MYO18B: variants seen among roughly 807,000 people sequenced by gnomAD.
The protein encoded by MYO18B is unconventional myosin-XVIIIb.
Under a neutral mutation model 273.0 loss-of-function variants are expected in MYO18B, and 204 were observed. That is an observed-to-expected ratio of 0.75 (90% CI 0.67 to 0.84). The LOEUF is 0.84. Among genes scored for constraint, MYO18B ranks in the 40% least tolerant of loss-of-function variants. The pLI is 0.00. For missense variants in MYO18B, 3,212 were observed against 3,287.6 expected (o/e 0.98, Z 0.56); for synonymous variants, 1,330 against 1,305.7 (o/e 1.02, Z -0.40).
At chr22:25,772,958 A>AC (rs1292450372) in intron 7 of MYO18B, among the ~76,000 whole-genome samples, 1 of 152,182 alleles carries the variant, frequency 6.6e-6, no homozygotes, top group Non-Finnish European at 1.5e-5. Flanking sequence ...AACCCAGGAT[A>AC]CAGGGCTCCT....
intron 11 of MYO18B, among the ~76,000 whole-genome samples, chr22:25,788,551 TG>T (rs1483006505): frequency 6.6e-6 from 1 of 152,222 alleles, no homozygotes. Flanking sequence ...AGTAGTCAGA[TG>T]CAGTGAGGCC....
intron 34 of MYO18B, among the ~76,000 whole-genome samples, chr22:25,942,753 A>G (rs2092658979): frequency 6.6e-6 from 1 of 152,178 alleles, no homozygotes; most frequent in Non-Finnish European, 1.5e-5. Flanking sequence ...AAGCAACAGT[A>G]GCAGGTGGGA....
Position 25,878,059 on chromosome 22 carries a change from C to T in MYO18B, c.4314+11C>T, listed in dbSNP as rs1382334785. On this transcript the variant is annotated intron_variant, in intron 25 of 43. Transcript: ENST00000335473. ...CTGCTAGAAAGCAAGGTATCCCCAT[C>T]CCTCCTCTTGGGTCCTTGTGGGGGG... 3.8e-6 allele frequency: 6 copies of T among 1,568,422 alleles called. No homozygotes were observed. In the African/African-American group the frequency reaches 8.1e-5, roughly 21 times the overall value.
At chr22:25,940,898 G>T (rs1472794740) in intron 34 of MYO18B, among the ~76,000 whole-genome samples, 1 of 152,190 alleles carries the variant, frequency 6.6e-6, no homozygotes, top group Non-Finnish European at 1.5e-5. Context: ...GTAGAAGAAG[G>T]GTCCTATCCC....
chr22:25,746,415 G>C (rs1365147955), intron 1 of MYO18B, among the ~76,000 whole-genome samples: 1 of 152,342 alleles, frequency 6.6e-6, no homozygotes, highest in East Asian at 1.9e-4. Context: ...TTCTAGACCA[G>C]TGTCAGCGTA....
chr22:25,760,406 C>T lies in MYO18B; in HGVS notation c.-109-578C>T, dbSNP rs1743875005. ...CAGCCTGGGCATCAGAGCAAGACTC[C>T]ATCTCAAAAAAAAAAAAAAAAAAAA... On this transcript the variant is annotated intron_variant, in intron 1 of 43. Coordinates refer to ENST00000335473, the MANE Select transcript of MYO18B (RefSeq NM_032608.7). Among the ~76,000 whole-genome samples, 3 of 66,174 alleles carry T rather than the reference C, an allele frequency of 4.5e-5. No individual in the cohort carries two copies. In the Admixed American group the frequency reaches 5.8e-4, roughly 13 times the overall value. 43.4% of individuals were successfully genotyped at this position (66,174 alleles called of 152,430 possible). A position where few individuals can be genotyped will look rare whatever the true frequency, so the allele number is the denominator to read the frequency against.
chr22:25,985,919 GC>G (rs1175864565), intron 39 of MYO18B, among the ~76,000 whole-genome samples: 1 of 152,080 alleles, frequency 6.6e-6, no homozygotes, highest in Non-Finnish European at 1.5e-5. Context: ...GGCATGAGCC[GC>G]CCCGCCCAGC....
the MYO18B span, among the ~76,000 whole-genome samples, chr22:26,059,760 C>T: frequency 5.3e-5 from 8 of 152,226 alleles, no homozygotes; most frequent in Non-Finnish European, 8.8e-5. Flanking sequence ...GAGATCAGCC[C>T]TTGACTTGTG....
rs1339313323 is a variant in MYO18B, at chr22:26,017,962, G to GTTTTTTTT, written c.6471-8479_6471-8478insTTTTTTTT. ...ATCACCACCCAGCTCCAATTTTACTGTTTTGTTTTTTTTTTTTTTTTTTTT... is the reference window on the plus strand; with the variant it reads ...ATCACCACCCAGCTCCAATTTTACTGTTTTTTTTTTTTGTTTTTTTTTTTTTTTTTTTT... On this transcript the variant is annotated intron_variant, in intron 42 of 43. Coordinates refer to ENST00000335473, the MANE Select transcript of MYO18B (RefSeq NM_032608.7). Among the ~76,000 whole-genome samples the GTTTTTTTT allele has an allele frequency of 5.1e-5, 6 of 117,566 alleles. 1 individual carries two copies. Among genetic ancestry groups the GTTTTTTTT allele is most frequent in the Admixed American group, 8.8e-5 (1 of 11,312 alleles). 77.1% of individuals were successfully genotyped at this position (117,566 alleles called of 152,430 possible). A position where few individuals can be genotyped will look rare whatever the true frequency, so the allele number is the denominator to read the frequency against.
chr22:25,770,613 G>A (rs117557387), intron 5 of MYO18B, among the ~76,000 whole-genome samples: 1 of 152,160 alleles, frequency 6.6e-6, no homozygotes, highest in African/African-American at 2.4e-5. Context: ...GTACCCAACT[G>A]TCTGGGTGCC....
chr22:25,793,498 C>CA (rs1326550601), intron 11 of MYO18B, among the ~76,000 whole-genome samples: 4 of 152,252 alleles, frequency 2.6e-5, no homozygotes, highest in South Asian at 2.1e-4. Flanking sequence ...CCTGGCCTCT[C>CA]AAAGCACTAG....
intron 34 of MYO18B, among the ~76,000 whole-genome samples, chr22:25,925,747 A>G (rs1173670145): frequency 6.6e-6 from 1 of 151,632 alleles, no homozygotes; most frequent in Admixed American, 6.6e-5. Flanking sequence ...TCTACTAAAA[A>G]TACAAAAATT....
At position 25,937,884 on chromosome 22, in the gene MYO18B, C is replaced by T. The variant is rs139362785; in HGVS notation, c.5518-8253C>T. ...ACAGGTGTGAGCCACCGCTCCCGGC[C>T]GACATTCTTAATATGTTTGCATTTA... On this transcript the variant is annotated intron_variant, in intron 34 of 43. Transcript: ENST00000335473. 3.3e-3 allele frequency among the ~76,000 whole-genome samples: 507 copies of T among 152,204 alleles called. 3 individuals are homozygous for T. The highest frequency in any genetic ancestry group is 6.2e-3 in the Non-Finnish European group (420 of 68,018).
At chr22:25,769,859 A>ATTT (rs57200528) in intron 4 of MYO18B, among the ~76,000 whole-genome samples, 5 of 144,796 alleles carry the variant, frequency 3.5e-5, no homozygotes, top group African/African-American at 5.1e-5. Flanking sequence ...TTTATGTAGT[A>ATTT]TTTTTTTTTT....
In MYO18B at chr22:25,780,134, G is replaced by A. The variant is rs201070289; in HGVS notation, c.2147G>A (p.Arg716Gln). 466 of 1,605,280 alleles carry A rather than the reference G, an allele frequency of 2.9e-4. No homozygotes were observed. Among genetic ancestry groups the A allele is most frequent in the Middle Eastern group, 2.8e-3 (17 of 6,054 alleles). The change falls in exon 9 of 44, where the codon CGG becomes CAG. Residue 716 changes from arginine to glutamine, a missense_variant. Transcript: ENST00000335473. ...ATGGCCCACAGCCGCAGTGCCACCC[G>A]GTTCTCCATGGTGATGTCGCTGGAC... The part of the protein sequence containing the change: ...VSMAHSRSAT[R>Q]FSMVMSLDFN...
intron 17 of MYO18B, among the ~76,000 whole-genome samples, chr22:25,842,223 A>G (rs927315701): frequency 3.9e-5 from 6 of 152,166 alleles, no homozygotes; most frequent in African/African-American, 1.2e-4. Context: ...TTTGTTTCCT[A>G]GCTTACTGGA....
intron 1 of MYO18B, among the ~76,000 whole-genome samples, chr22:25,750,027 C>T (rs2085889011): frequency 2.0e-5 from 3 of 152,220 alleles, no homozygotes; most frequent in Admixed American, 2.0e-4. Context: ...TAACAGAGAA[C>T]CTACAGGCCT....
chr22:25,857,365 C>T (rs940932579), intron 21 of MYO18B, among the ~76,000 whole-genome samples: 3 of 152,212 alleles, frequency 2.0e-5, no homozygotes, highest in African/African-American at 7.2e-5. Flanking sequence ...ATCTCTGTCC[C>T]TGAGGACTTG....
intron 12 of MYO18B, among the ~76,000 whole-genome samples, chr22:25,801,721 G>T (rs1176280445): frequency 6.6e-6 from 1 of 152,184 alleles, no homozygotes; most frequent in Non-Finnish European, 1.5e-5. Flanking sequence ...GGGCCATTGT[G>T]CTGAGTGTTT....
Sources: gnomAD v4.1 joint callset for allele counts (sites outside exome capture counted in the v4.1 genomes callset) on GRCh38, gnomAD v4.1.1 for gene constraint, MANE v1.5 for transcripts, NCBI Gene and HGNC (gene_info 2026-07-23, HGNC 2026-07-21) for gene names.